MCCC2: variants seen among roughly 807,000 people sequenced by gnomAD.
The protein encoded by MCCC2 is methylcrotonyl-CoA carboxylase subunit 2.
MCCC2 carries 52 observed loss-of-function variants against 77.2 expected under a neutral mutation model. The ratio of observed to expected loss-of-function variants is 0.67; its 90% confidence interval spans 0.54 to 0.85. MCCC2 has a LOEUF of 0.85. Among genes scored for constraint, MCCC2 ranks in the 40% least tolerant of loss-of-function variants. MCCC2 has a pLI of 0.00. For synonymous variants in MCCC2, 253 were observed against 248.4 expected (o/e 1.02, Z -0.18); for missense variants, 682 against 703.2 (o/e 0.97, Z 0.34).
At position 71,657,010 on chromosome 5, in the gene MCCC2, G is replaced by T. The variant is rs1580337602; in HGVS notation, c.*150G>T. On this transcript the variant is annotated 3_prime_UTR_variant, in exon 17 of 17. Coordinates refer to ENST00000340941, the MANE Select transcript of MCCC2 (RefSeq NM_022132.5). ...TTTCTACCTTAAAAAAATCAGTGAG[G>T]ATATTTATTTAATGAACATCAATTC... The T allele has an allele frequency of 8.0e-6, 5 of 625,010 alleles. No individual in the cohort carries two copies. In the East Asian group the frequency reaches 1.4e-4, roughly 18 times the overall value. 38.7% of individuals were successfully genotyped at this position (625,010 alleles called of 1,614,324 possible). A position where few individuals can be genotyped will look rare whatever the true frequency, so the allele number is the denominator to read the frequency against.
At chr5:71,610,428 G>A (rs530910961) in intron 6 of MCCC2, among the ~76,000 whole-genome samples, 2 of 152,122 alleles carry the variant, frequency 1.3e-5, no homozygotes, top group Admixed American at 6.5e-5. Flanking sequence ...GCTTCGGCTC[G>A]CACACGGTGC....
chr5:71,600,177 A>G (rs1336346007), intron 4 of MCCC2, among the ~76,000 whole-genome samples: 2 of 152,100 alleles, frequency 1.3e-5, no homozygotes, highest in Non-Finnish European at 2.9e-5. Flanking sequence ...AAAAAAACAA[A>G]AAGATGTCTT....
intron 1 of MCCC2, among the ~76,000 whole-genome samples, chr5:71,588,420 G>A (rs999909446): frequency 6.6e-6 from 1 of 152,144 alleles, no homozygotes; most frequent in Admixed American, 6.5e-5. Flanking sequence ...GTGTTCCCAC[G>A]ATTTCTAAGC....
intron 1 of MCCC2, among the ~76,000 whole-genome samples, chr5:71,588,675 A>T (rs467160): frequency 0.34 from 51,008 of 152,016 alleles, 10,776 homozygotes; most frequent in Non-Finnish European, 0.46. Context: ...ACCGATAGGA[A>T]GTAATGGGTG....
chr5:71,593,625 C>T (rs925343486), intron 2 of MCCC2, among the ~76,000 whole-genome samples: 14 of 150,580 alleles, frequency 9.3e-5, no homozygotes, highest in Non-Finnish European at 7.4e-5. Flanking sequence ...CTGGCTCAAG[C>T]GATCCTCTCA....
At chr5:71,650,257 T>A (rs1195766329) in intron 15 of MCCC2, 74 bp downstream of exon 15, 1 of 1,285,632 alleles carries the variant, frequency 7.8e-7, no homozygotes. Flanking sequence ...AGGAGCAGCG[T>A]GCCTGGAAGC....
In MCCC2 at chr5:71,655,232, A is replaced by G. The variant is rs796578306; in HGVS notation, c.1575-1511A>G. Among the ~76,000 whole-genome samples the G allele has an allele frequency of 2.6e-5, 4 of 152,072 alleles. No homozygotes were observed. The South Asian group carries it at 6.2e-4, about 24-fold the overall frequency. Reference sequence around the variant, plus strand: ...AAGGATTTCCAAGCCAGTTTATGGTACCTTCCTTGGGTTTAGTAAATCTCA... The same window carrying G: ...AAGGATTTCCAAGCCAGTTTATGGTGCCTTCCTTGGGTTTAGTAAATCTCA... On this transcript the variant is annotated intron_variant, in intron 16 of 16. Transcript: ENST00000340941.
chr5:71,649,886 G>C (rs1272162531), intron 14 of MCCC2, among the ~76,000 whole-genome samples, 183 bp from the exon 15 acceptor site: 2 of 152,144 alleles, frequency 1.3e-5, no homozygotes, highest in African/African-American at 4.8e-5. Flanking sequence ...CTGTGCTCAG[G>C]ACCCTCCTCT....
At chr5:71,618,495 T>TCCTTCCTTCCTTCCTTCCTG (rs1561835003) in intron 6 of MCCC2, among the ~76,000 whole-genome samples, 13 of 13,846 alleles carry the variant, frequency 9.4e-4, no homozygotes, top group Admixed American at 2.2e-3. Context: ...CCTTCTTCCT[T>TCCTTCCTTCCTTCCTTCCTG]CCTTCCTTCC....
At chr5:71,610,176 G>A (rs1256088362) in intron 6 of MCCC2, among the ~76,000 whole-genome samples, 17 of 152,336 alleles carry the variant, frequency 1.1e-4, no homozygotes, top group East Asian at 3.9e-4. Flanking sequence ...CCTCGCTGCC[G>A]CCTTGCAGTT....
chr5:71,649,065 C>G, intron 13 of MCCC2, 32 bp from the exon 14 acceptor site: 1 of 1,613,388 alleles, frequency 6.2e-7, no homozygotes. Flanking sequence ...AATCCCATCA[C>G]CCAGAGGCTC....
At chr5:71,633,133 T>TATATATATATATATATA (rs1561841506) in intron 8 of MCCC2, among the ~76,000 whole-genome samples, 2 of 113,016 alleles carry the variant, frequency 1.8e-5, no homozygotes, top group African/African-American at 8.5e-5. Flanking sequence ...ATATATATAT[T>TATATATATATATATATA]TTTATTTTTT....
intron 6 of MCCC2, among the ~76,000 whole-genome samples, chr5:71,615,354 A>G (rs937643273): frequency 2.6e-5 from 4 of 152,190 alleles, no homozygotes; most frequent in African/African-American, 9.7e-5. Flanking sequence ...TCACCAGCCT[A>G]GAGACCAGAT....
intron 6 of MCCC2, among the ~76,000 whole-genome samples, chr5:71,621,790 C>CA (rs796529348): frequency 1.7e-3 from 216 of 128,044 alleles, no homozygotes; most frequent in South Asian, 3.9e-3. Flanking sequence ...TTAATGGATA[C>CA]AAAAAAAAAA....
At chr5:71,592,545 T>C (rs1177334838) in intron 1 of MCCC2, among the ~76,000 whole-genome samples, 1 of 152,220 alleles carries the variant, frequency 6.6e-6, no homozygotes, top group Admixed American at 6.5e-5. Flanking sequence ...AAAAAGCTTA[T>C]ATTCCTTAAA....
rs116672215 is a variant in MCCC2 at position 71,615,967 on chromosome 5, A to G, written c.625-10673A>G. ...ACTTGGAGCTTTCAGTCCCAGCCCT[A>G]TCCTTCAGGGAGGGAGAGGGGCTGG... is the stretch of plus-strand genomic sequence containing the variant. On this transcript the variant is annotated intron_variant, in intron 6 of 16. Transcript: ENST00000340941. Among the ~76,000 whole-genome samples the G allele has an allele frequency of 2.2e-3, 332 of 152,256 alleles. 2 individuals are homozygous for G. Among genetic ancestry groups the G allele is most frequent in the African/African-American group, 7.7e-3 (321 of 41,562 alleles).
At chr5:71,622,522 A>G (rs1252832134) in intron 6 of MCCC2, among the ~76,000 whole-genome samples, 1 of 152,168 alleles carries the variant, frequency 6.6e-6, no homozygotes, top group African/African-American at 2.4e-5. Flanking sequence ...ACAGAGTTGA[A>G]TGAATCAATT....
chr5:71,635,750 G>A (rs1376271188), intron 10 of MCCC2: 3 of 222,258 alleles, frequency 1.3e-5, no homozygotes, highest in African/African-American at 2.3e-5. Flanking sequence ...CAACTTTTAG[G>A]GTTTAGAGCA....
At chr5:71,618,499 TCCTTCCTTCCTTCCTTCCTTC>T (rs1746248437) in intron 6 of MCCC2, among the ~76,000 whole-genome samples, 1 of 35,302 alleles carries the variant, frequency 2.8e-5, no homozygotes, top group Admixed American at 5.1e-4. Context: ...CTTCCTTCCT[TCCTTCCTTCCTTCCTTCCTTC>T]CTTCCTTCCT....
Sources: gnomAD v4.1 joint callset for allele counts (sites outside exome capture counted in the v4.1 genomes callset) on GRCh38, gnomAD v4.1.1 for gene constraint, MANE v1.5 for transcripts, NCBI Gene and HGNC (gene_info 2026-07-23, HGNC 2026-07-21) for gene names.